Variants in CIMIP6 observed in about 807,000 individuals in gnomAD.
CIMIP6 encodes ciliary microtubule inner protein 6, also known as uncharacterized protein C2orf73.
At chr2:54,382,418 G>T in the CIMIP6 span, among the ~76,000 whole-genome samples, 2 of 152,182 alleles carry the variant, frequency 1.3e-5, no homozygotes, top group Non-Finnish European at 2.9e-5. Context: ...CTAATCGAAA[G>T]ATTCCATTTT....
chr2:54,369,150 C>G, the CIMIP6 span, among the ~76,000 whole-genome samples: 2 of 152,124 alleles, frequency 1.3e-5, no homozygotes, highest in African/African-American at 4.8e-5. Flanking sequence ...AAGCACTTAA[C>G]TCCTCAGTTA....
chr2:54,375,051 T>A, the CIMIP6 span, among the ~76,000 whole-genome samples: 1 of 152,200 alleles, frequency 6.6e-6, no homozygotes, highest in African/African-American at 2.4e-5. Context: ...GGCTTCTTTT[T>A]CTCAAGGGTT....
At chr2:54,336,176 G>C in the CIMIP6 span, among the ~76,000 whole-genome samples, 1 of 152,064 alleles carries the variant, frequency 6.6e-6, no homozygotes, top group Non-Finnish European at 1.5e-5. Flanking sequence ...CTGAATTTTG[G>C]CAAAGGTGTA....
the CIMIP6 span, among the ~76,000 whole-genome samples, chr2:54,333,902 A>C: frequency 2.0e-5 from 3 of 152,200 alleles, no homozygotes; most frequent in Non-Finnish European, 4.4e-5. Flanking sequence ...AAAAGGAAAA[A>C]AAGAAAAATG....
chr2:54,363,200 C>G, the CIMIP6 span, among the ~76,000 whole-genome samples: 1 of 152,140 alleles, frequency 6.6e-6, no homozygotes, highest in African/African-American at 2.4e-5. Flanking sequence ...TAATTGTCTA[C>G]TCTTCTTGGA....
the CIMIP6 span, among the ~76,000 whole-genome samples, chr2:54,331,995 T>A: frequency 6.6e-6 from 1 of 152,114 alleles, no homozygotes; most frequent in Non-Finnish European, 1.5e-5. Flanking sequence ...ACTAGGTACA[T>A]AAAGGAAATG....
the CIMIP6 span, among the ~76,000 whole-genome samples, chr2:54,354,475 G>GTC: frequency 6.6e-6 from 1 of 152,072 alleles, no homozygotes; most frequent in African/African-American, 2.4e-5. Flanking sequence ...AGCATAGAAT[G>GTC]TCTATTCAGT....
At chr2:54,351,267 C>A in the CIMIP6 span, among the ~76,000 whole-genome samples, 3 of 152,128 alleles carry the variant, frequency 2.0e-5, no homozygotes, top group African/African-American at 7.2e-5. Context: ...ACCATTCAAC[C>A]AGCAATCACA....
chr2:54,361,798 T>C, the CIMIP6 span, among the ~76,000 whole-genome samples: 109 of 152,320 alleles, frequency 7.2e-4, no homozygotes, highest in South Asian at 2.3e-3. Context: ...GGAGAGGTTG[T>C]TAGCATGTTT....
At chr2:54,360,458 CCT>C in the CIMIP6 span, 22 of 1,588,208 alleles carry the variant, frequency 1.4e-5, no homozygotes, top group Admixed American at 3.9e-4. Context: ...CCCCAGCACT[CCT>C]GAGAGCAGAG....
At chr2:54,349,820 C>G in the CIMIP6 span, among the ~76,000 whole-genome samples, 1 of 152,000 alleles carries the variant, frequency 6.6e-6, no homozygotes, top group South Asian at 2.1e-4. Context: ...TCCTTTCTCC[C>G]CCCTTTATTT....
At chr2:54,374,190 G>A in the CIMIP6 span, among the ~76,000 whole-genome samples, 1 of 152,156 alleles carries the variant, frequency 6.6e-6, no homozygotes, top group Admixed American at 6.5e-5. Flanking sequence ...CATAGTAACT[G>A]ATTTTCCCAT....
chr2:54,384,038 T>C, the CIMIP6 span, among the ~76,000 whole-genome samples: 4 of 152,192 alleles, frequency 2.6e-5, no homozygotes, highest in Non-Finnish European at 4.4e-5. Flanking sequence ...ATACATTTCA[T>C]TTCTTTATAA....
chr2:54,372,345 A>G, the CIMIP6 span, among the ~76,000 whole-genome samples: 3 of 152,200 alleles, frequency 2.0e-5, no homozygotes, highest in Non-Finnish European at 4.4e-5. Context: ...GGTTGCTGGC[A>G]TCTGCAGAGT....
At chr2:54,361,074 T>G in the CIMIP6 span, 5 of 152,282 alleles carry the variant, frequency 3.3e-5, no homozygotes, top group African/African-American at 1.2e-4. Flanking sequence ...ATATCATCAC[T>G]GCTACTATAA....
At chr2:54,363,199 A>G in the CIMIP6 span, among the ~76,000 whole-genome samples, 1 of 151,534 alleles carries the variant, frequency 6.6e-6, no homozygotes, top group South Asian at 2.1e-4. Context: ...TTAATTGTCT[A>G]CTCTTCTTGG....
chr2:54,374,130 C>A, the CIMIP6 span, among the ~76,000 whole-genome samples: 1 of 152,336 alleles, frequency 6.6e-6, no homozygotes, highest in East Asian at 1.9e-4. Flanking sequence ...CTGTACCGTA[C>A]TGTGCAGCAT....
the CIMIP6 span, among the ~76,000 whole-genome samples, chr2:54,335,817 A>T: frequency 1.3e-5 from 2 of 152,270 alleles, no homozygotes; most frequent in Middle Eastern, 3.4e-3. Context: ...CTAAGGGTGG[A>T]TGGGTTTCCT....
chr2:54,346,776 C>T, the CIMIP6 span, among the ~76,000 whole-genome samples: 1 of 152,198 alleles, frequency 6.6e-6, no homozygotes, highest in Non-Finnish European at 1.5e-5. Context: ...TTCCTTTCTT[C>T]TTTCTCCATA....
Sources: allele counts gnomAD v4.1 joint callset (sites outside exome capture counted in the v4.1 genomes callset), GRCh38; gene constraint gnomAD v4.1.1; transcripts MANE v1.5; gene names NCBI Gene and HGNC (gene_info 2026-07-23, HGNC 2026-07-21).